The following HLCS variants were observed in gnomAD, a reference collection of about 807,000 sequenced individuals.
The protein encoded by HLCS is biotin--protein ligase.
Under a neutral mutation model 75.0 loss-of-function variants are expected in HLCS, and 53 were observed. The ratio of observed to expected loss-of-function variants is 0.71; its 90% CI spans 0.57 to 0.89. The LOEUF (loss-of-function observed/expected upper bound fraction) is 0.89. Among genes scored for constraint, HLCS ranks in the 40% least tolerant of loss-of-function variants. The pLI, the probability that HLCS is intolerant of heterozygous loss-of-function variation, is 0.00. For missense variants in HLCS, 966 were observed against 1,074.0 expected, an observed-to-expected ratio of 0.90 and a Z score of 1.41; for synonymous variants, 431 against 428.6, an observed-to-expected ratio of 1.01 and a Z score of -0.07.
rs150792503 is a variant in HLCS, at chr21:36,964,476, T to A, written c.195+1968A>T. 1.7e-3 allele frequency among the ~76,000 whole-genome samples: 265 copies of A among 152,332 alleles called. 2 individuals carry two copies. Among genetic ancestry groups the A allele is most frequent in the African/African-American group, 6.0e-3 (249 of 41,580 alleles). On this transcript the variant is annotated intron_variant, in intron 1 of 10. Coordinates refer to ENST00000674895, the MANE Select transcript of HLCS (RefSeq NM_001352514.2). Reference sequence around the variant, plus strand: ...GGTCAAGCTGCTATGCTAAACAGTCTCATTTCCTAATAAGAAAAAGATACG... The same window carrying A: ...GGTCAAGCTGCTATGCTAAACAGTCACATTTCCTAATAAGAAAAAGATACG...
At position 36,778,158 on chromosome 21, in the gene HLCS, A is replaced by G. The variant is rs528336119; in HGVS notation, c.1893-10873T>C. Reference sequence around the variant, plus strand: ...TAATTTTTTTGTATTTTTAGTAGAGATGGGGTTTCACCATGTTAGCCAGGA... The same window carrying G: ...TAATTTTTTTGTATTTTTAGTAGAGGTGGGGTTTCACCATGTTAGCCAGGA... On this transcript the variant is annotated intron_variant, in intron 6 of 10. Coordinates refer to ENST00000674895, the MANE Select transcript of HLCS (RefSeq NM_001352514.2). 3.3e-3 allele frequency among the ~76,000 whole-genome samples: 504 copies of G among 151,794 alleles called. 1 individual carries two copies. The highest frequency in any genetic ancestry group is 9.9e-3 in the African/African-American group (410 of 41,358).
chr21:36,984,464 T>C (rs1278098272), intron 1 of HLCS, among the ~76,000 whole-genome samples: 1 of 152,104 alleles, frequency 6.6e-6, no homozygotes, highest in Non-Finnish European at 1.5e-5. Context: ...AAGTGACAAA[T>C]GGGAGAATCT....
At chr21:36,823,805 A>G (rs2835473) in intron 6 of HLCS, among the ~76,000 whole-genome samples, 18,106 of 152,152 alleles carry the variant, frequency 0.12, 1,459 homozygotes, top group Non-Finnish European at 0.18. Flanking sequence ...TTAGAGCTAC[A>G]TGGACCAGGC....
At position 36,960,140 on chromosome 21, in the gene HLCS, C is replaced by CTG. The variant is rs1269851849; in HGVS notation, c.330+1895_330+1896insCA. ...TTGCATGGAGCCACCCACCCCCCCC[C>CTG]CCCCCGACCCTGCACTTCTCACCCA... is the stretch of plus-strand genomic sequence containing the variant. On this transcript the variant is annotated intron_variant, in intron 2 of 10. Coordinates refer to ENST00000674895, the MANE Select transcript of HLCS (RefSeq NM_001352514.2). Among the ~76,000 whole-genome samples the CTG allele has an allele frequency of 9.0e-5, 9 of 100,508 alleles. 1 individual carries two copies. The highest frequency in any genetic ancestry group is 3.1e-4 in the East Asian group (1 of 3,216). The allele number at this position is 100,508 out of a possible 152,430, so 65.9% of individuals were successfully genotyped here.
Position 36,757,972 on chromosome 21 carries a change from G to A in HLCS, c.2237-1217C>T, listed in dbSNP as rs1029080304. On this transcript the variant is annotated intron_variant, in intron 9 of 10. Coordinates refer to ENST00000674895, the MANE Select transcript of HLCS (RefSeq NM_001352514.2). ...GCCACTTAGGCTATGTCCTTCTAAGGACCGGTGAGCACCCTGCTGGCTGCT... is the reference window on the plus strand; with the variant it reads ...GCCACTTAGGCTATGTCCTTCTAAGAACCGGTGAGCACCCTGCTGGCTGCT... Among the ~76,000 whole-genome samples the A allele has an allele frequency of 3.3e-5, 5 of 152,162 alleles. No homozygotes were observed. The East Asian group carries it at 9.6e-4, about 29-fold the overall frequency.
At chr21:36,871,100 G>A (rs1408083437) in intron 6 of HLCS, among the ~76,000 whole-genome samples, 1 of 152,154 alleles carries the variant, frequency 6.6e-6, no homozygotes, top group African/African-American at 2.4e-5. Flanking sequence ...AGGGAGCCTC[G>A]TATTCCGCAC....
rs571117704 is a variant in HLCS at position 36,859,001 on chromosome 21, C to T, written c.1892+37859G>A. ...CCTCTTCTGAGGCCCCTAAGTCACC[C>T]AATGTTTGGCTTGGAGTTTTTTGTT... On this transcript the variant is annotated intron_variant, in intron 6 of 10. Coordinates refer to ENST00000674895, the MANE Select transcript of HLCS (RefSeq NM_001352514.2). Among the ~76,000 whole-genome samples the T allele has an allele frequency of 8.4e-4, 128 of 152,182 alleles. 1 individual carries two copies. The highest frequency in any genetic ancestry group is 1.5e-3 in the Non-Finnish European group (103 of 67,982).
intron 6 of HLCS, among the ~76,000 whole-genome samples, chr21:36,889,341 C>T (rs145088594): frequency 3.9e-5 from 6 of 152,206 alleles, no homozygotes; most frequent in African/African-American, 1.4e-4. Context: ...CCACACACTG[C>T]GGTTTCACGT....
rs776535574 is a variant in HLCS, at chr21:36,756,560, T to C, written c.2432A>G (p.Tyr811Cys). 155 of 1,603,438 alleles carry C rather than the reference T, an allele frequency of 9.7e-5. No individual in the cohort carries two copies. Among genetic ancestry groups the C allele is most frequent in the Middle Eastern group, 1.7e-4 (1 of 6,024 alleles). Residue 811 changes from tyrosine (Y) to cysteine (C), a missense_variant, in exon 10 of 11, where the codon TAC becomes TGC. By Grantham distance (194) the Tyr-to-Cys change is radical. Coordinates refer to ENST00000674895, the MANE Select transcript of HLCS (RefSeq NM_001352514.2). ...KGPNSVLPLY[Y>C]RYWVHSGQQV... ...CACTGACCTGTGGACCCAGTATCGGTAATAAAGGGGAAGGACGCTGTTGGG... is the reference window on the plus strand; with the variant it reads ...CACTGACCTGTGGACCCAGTATCGGCAATAAAGGGGAAGGACGCTGTTGGG...
chr21:36,782,978 GA>G (rs1569002084), intron 6 of HLCS, among the ~76,000 whole-genome samples: 1 of 151,914 alleles, frequency 6.6e-6, no homozygotes, highest in Non-Finnish European at 1.5e-5. Flanking sequence ...CTCTGTCTCC[GA>G]AAAAAACCAA....
At position 36,930,238 on chromosome 21, in the gene HLCS, G is replaced by C. The variant is rs2066575744; in HGVS notation, c.1620+13C>G. On this transcript the variant is annotated intron_variant, in intron 5 of 10. Transcript: ENST00000674895. ...GTCACAGCGCGCTCTGCCCAGCTGA[G>C]CCCACAACTCACCTCCGCAGCTGAC... The C allele has an allele frequency of 6.2e-7, 1 of 1,609,610 alleles. No homozygotes were observed. Among genetic ancestry groups the C allele is most frequent in the African/African-American group, 1.3e-5 (1 of 74,782 alleles).
intron 6 of HLCS, among the ~76,000 whole-genome samples, chr21:36,839,506 G>C (rs2146088872): frequency 6.6e-6 from 1 of 152,296 alleles, no homozygotes. Flanking sequence ...AAAGAAGGGA[G>C]ACGGGAGAGG....
chr21:36,799,842 A>G (rs76249136), intron 6 of HLCS, among the ~76,000 whole-genome samples: 7,730 of 152,294 alleles, frequency 0.051, 307 homozygotes, highest in South Asian at 0.18. Flanking sequence ...AGAGGCTCAG[A>G]AAGTTGCTCC....
chr21:36,932,242 T>G (rs932457921), intron 4 of HLCS, among the ~76,000 whole-genome samples: 1 of 152,220 alleles, frequency 6.6e-6, no homozygotes, highest in Non-Finnish European at 1.5e-5. Flanking sequence ...TATTTAGAAG[T>G]CTGGTGATGT....
chr21:36,888,681 G>A (rs1395014879), intron 6 of HLCS, among the ~76,000 whole-genome samples: 1 of 151,244 alleles, frequency 6.6e-6, no homozygotes, highest in Non-Finnish European at 1.5e-5. Flanking sequence ...TCTGGCGTGG[G>A]CGCATCACCA....
At chr21:36,782,868 T>C (rs71332551) in intron 6 of HLCS, among the ~76,000 whole-genome samples, 30,956 of 151,788 alleles carry the variant, frequency 0.2, 3,696 homozygotes, top group Middle Eastern at 0.31. Context: ...CCTGTAGTCC[T>C]AGATACTCAC....
chr21:36,927,463 C>T (rs2066458023), intron 5 of HLCS, among the ~76,000 whole-genome samples: 1 of 152,258 alleles, frequency 6.6e-6, no homozygotes, highest in African/African-American at 2.4e-5. Context: ...CATAAATCTT[C>T]TGCGCTATTC....
At chr21:36,820,397 G>A (rs112799820) in intron 6 of HLCS, among the ~76,000 whole-genome samples, 10,628 of 152,250 alleles carry the variant, frequency 0.07, 509 homozygotes, top group South Asian at 0.17. Flanking sequence ...GATTCCTCGC[G>A]CTGTCAGAGG....
At chr21:36,757,850 G>T (rs183221155) in intron 9 of HLCS, among the ~76,000 whole-genome samples, 9 of 152,324 alleles carry the variant, frequency 5.9e-5, no homozygotes, top group Admixed American at 5.2e-4. Flanking sequence ...CCTACTGAAC[G>T]TTCGTAAGGC....
Sources: allele counts gnomAD v4.1 joint callset (sites outside exome capture counted in the v4.1 genomes callset), GRCh38; gene constraint gnomAD v4.1.1; transcripts MANE v1.5; gene names NCBI Gene and HGNC (gene_info 2026-07-23, HGNC 2026-07-21).